Variants in PDGFRL observed in about 807,000 individuals in gnomAD.
The protein encoded by PDGFRL is platelet-derived growth factor receptor-like protein.
PDGFRL carries 46 observed loss-of-function variants against 37.2 expected under a neutral mutation model. The observed-to-expected ratio is 1.24, with a 90% confidence interval of 0.98 to 1.58. The LOEUF (loss-of-function observed/expected upper bound fraction) is 1.58, where lower values mean the gene tolerates loss of function less well. Ranked by LOEUF, PDGFRL falls within the 40% of genes most tolerant of loss-of-function variation. The pLI is 0.00. For missense variants in PDGFRL, 692 were observed against 467.6 expected (o/e 1.48, Z -4.43); for synonymous variants, 251 against 184.3 (o/e 1.36, Z -2.93).
chr8:17,631,745 C>T (rs1162673183), intron 4 of PDGFRL, among the ~76,000 whole-genome samples: 1 of 152,224 alleles, frequency 6.6e-6, no homozygotes, highest in Non-Finnish European at 1.5e-5. Flanking sequence ...TCCACCTCAC[C>T]TGCAGGGAAC....
intron 5 of PDGFRL, 139 bp from the exon 6 acceptor site, chr8:17,642,474 T>C (rs1805151766): frequency 1.6e-6 from 1 of 635,194 alleles, no homozygotes; most frequent in African/African-American, 1.9e-5. Context: ...CCACAGCTTA[T>C]GAGCTACGCA....
intron 2 of PDGFRL, among the ~76,000 whole-genome samples, chr8:17,590,909 G>A (rs1457254988): frequency 8.2e-6 from 1 of 122,156 alleles, no homozygotes; most frequent in African/African-American, 2.9e-5. Flanking sequence ...TTGAGACGGA[G>A]TCTCGCTCTG....
At chr8:17,616,674 C>G (rs1028342570) in intron 2 of PDGFRL, among the ~76,000 whole-genome samples, 22 of 152,178 alleles carry the variant, frequency 1.4e-4, no homozygotes, top group African/African-American at 5.3e-4. Context: ...CCCTCTTGGC[C>G]TAGAGGCTCT....
intron 1 of PDGFRL, among the ~76,000 whole-genome samples, chr8:17,580,496 G>A (rs929977576): frequency 7.1e-6 from 1 of 140,928 alleles, no homozygotes; most frequent in Non-Finnish European, 1.6e-5. Flanking sequence ...AAAGAGAAAA[G>A]TTTGAGGGCA....
intron 2 of PDGFRL, among the ~76,000 whole-genome samples, chr8:17,603,852 G>C (rs1449285428): frequency 6.6e-6 from 1 of 152,180 alleles, no homozygotes; most frequent in Non-Finnish European, 1.5e-5. Flanking sequence ...GCTCATATTT[G>C]AAAGTTCCCT....
intron 1 of PDGFRL, among the ~76,000 whole-genome samples, chr8:17,585,906 A>C (rs1012883946): frequency 6.6e-6 from 1 of 152,068 alleles, no homozygotes; most frequent in East Asian, 1.9e-4. Flanking sequence ...CTTGCTTTGT[A>C]ACATTTGTTT....
chr8:17,577,236 G>C lies in PDGFRL; in HGVS notation c.-17G>C, dbSNP rs774820043. The C allele has an allele frequency of 3.1e-6, 5 of 1,611,070 alleles. No homozygotes were observed. The highest frequency in any genetic ancestry group is 4.2e-6 in the Non-Finnish European group (5 of 1,178,888). Reference sequence around the variant, plus strand: ...CAGCCGCCGCGCTCCTGCGCTCCGAGGTCCGAGGTTCCCGAGATGAAGGTC... The same window carrying C: ...CAGCCGCCGCGCTCCTGCGCTCCGACGTCCGAGGTTCCCGAGATGAAGGTC... On this transcript the variant is annotated 5_prime_UTR_variant, in exon 1 of 6. Coordinates refer to ENST00000251630, the MANE Select transcript of PDGFRL (RefSeq NM_001372073.1).
At chr8:17,598,163 A>G (rs968253234) in intron 2 of PDGFRL, among the ~76,000 whole-genome samples, 13 of 152,260 alleles carry the variant, frequency 8.5e-5, no homozygotes, top group African/African-American at 3.1e-4. Flanking sequence ...GAATAAAGAC[A>G]AAGAATGTTG....
At chr8:17,588,935 T>G (rs2588156) in intron 1 of PDGFRL, among the ~76,000 whole-genome samples, 87,746 of 152,044 alleles carry the variant, frequency 0.58, 27,398 homozygotes, top group East Asian at 0.88. Context: ...ATGAACTGTT[T>G]TGCTGAATTT....
intron 2 of PDGFRL, among the ~76,000 whole-genome samples, chr8:17,597,006 C>A (rs1804067604): frequency 6.6e-6 from 1 of 151,014 alleles, no homozygotes; most frequent in African/African-American, 2.5e-5. Flanking sequence ...CCAACAAAGC[C>A]TTGTAGTTTT....
At chr8:17,587,730 C>A (rs1803846957) in intron 1 of PDGFRL, among the ~76,000 whole-genome samples, 1 of 151,688 alleles carries the variant, frequency 6.6e-6, no homozygotes, top group African/African-American at 2.4e-5. Flanking sequence ...CGGGTTCAAG[C>A]AGTTCTTGTG....
chr8:17,608,962 T>C (rs1312857734), intron 2 of PDGFRL, among the ~76,000 whole-genome samples: 1 of 152,190 alleles, frequency 6.6e-6, no homozygotes, highest in Non-Finnish European at 1.5e-5. Context: ...CTCATGCCTG[T>C]AATCCCAGCA....
intron 1 of PDGFRL, among the ~76,000 whole-genome samples, chr8:17,579,414 G>A (rs1803658387): frequency 6.6e-6 from 1 of 152,014 alleles, no homozygotes; most frequent in African/African-American, 2.4e-5. Flanking sequence ...TCTCAGATTG[G>A]CAGGTTGGGA....
intron 2 of PDGFRL, among the ~76,000 whole-genome samples, chr8:17,614,805 G>A (rs560269505): frequency 1.1e-4 from 17 of 152,222 alleles, no homozygotes; most frequent in African/African-American, 1.9e-4. Flanking sequence ...AGCACAGAGC[G>A]TTCAAAGCAG....
At chr8:17,596,473 G>A (rs1384842921) in intron 2 of PDGFRL, 2 of 417,602 alleles carry the variant, frequency 4.8e-6, no homozygotes, top group Non-Finnish European at 8.0e-6. Context: ...AAATTATTCT[G>A]AACATTTAGT....
intron 1 of PDGFRL, among the ~76,000 whole-genome samples, chr8:17,587,082 C>G (rs1250840818): frequency 1.3e-5 from 2 of 152,144 alleles, no homozygotes; most frequent in African/African-American, 2.4e-5. Flanking sequence ...GGGAGTCACT[C>G]AATTCCAATA....
At chr8:17,585,286 G>A (rs1234087854) in intron 1 of PDGFRL, among the ~76,000 whole-genome samples, 1 of 152,082 alleles carries the variant, frequency 6.6e-6, no homozygotes, top group African/African-American at 2.4e-5. Context: ...CTCATCCTGT[G>A]ACGAATGCCT....
intron 5 of PDGFRL, among the ~76,000 whole-genome samples, chr8:17,642,240 T>C (rs1282603157): frequency 6.6e-6 from 1 of 152,150 alleles, no homozygotes; most frequent in Non-Finnish European, 1.5e-5. Flanking sequence ...ACCACTTAGC[T>C]AGGAAAAGAA....
intron 5 of PDGFRL, among the ~76,000 whole-genome samples, chr8:17,641,116 C>A (rs959593590): frequency 2.0e-5 from 3 of 152,168 alleles, no homozygotes; most frequent in African/African-American, 7.2e-5. Context: ...GGTCTCACTC[C>A]CTCTGTCCCT....
Sources: allele counts gnomAD v4.1 joint callset (sites outside exome capture counted in the v4.1 genomes callset), GRCh38; gene constraint gnomAD v4.1.1; transcripts MANE v1.5; gene names NCBI Gene and HGNC (gene_info 2026-07-23, HGNC 2026-07-21).